The following ADGRV1 variants were observed in gnomAD, a reference collection of about 807,000 sequenced individuals.
ADGRV1 encodes G-protein coupled receptor 98.
In ADGRV1, 359 loss-of-function variants were observed where a neutral mutation model predicts 596.2. The ratio of observed to expected loss-of-function variants is 0.60; its 90% CI spans 0.55 to 0.66. The LOEUF (loss-of-function observed/expected upper bound fraction) is 0.66. ADGRV1 is among the 30% of genes least tolerant of loss of function. The pLI is 0.00. For missense variants in ADGRV1, 7,274 were observed against 7,575.6 expected, an observed-to-expected ratio of 0.96 and a Z score of 1.48; for synonymous variants, 2,681 against 2,679.2, an observed-to-expected ratio of 1.00 and a Z score of -0.02.
chr5:90,923,782 C>A (rs1056352873), intron 83 of ADGRV1, among the ~76,000 whole-genome samples: 2 of 148,914 alleles, frequency 1.3e-5, no homozygotes, highest in Non-Finnish European at 3.0e-5. Flanking sequence ...CCTCCCCCTG[C>A]CCCCCACCCC....
rs1409956770 is a variant in ADGRV1, at chr5:90,693,945, G to C, written c.7189G>C (p.Val2397Leu). Residue 2397 changes from valine to leucine, a missense_variant, in exon 33 of 90, where the codon GTG becomes CTG. Val to Leu is a conservative substitution (Grantham distance 32, BLOSUM62 1). This residue lies in a region of ADGRV1 where 3,643 missense variants were observed against 3,809.2 expected (regional missense o/e 0.96). Transcript: ENST00000405460. ...LFYSTSDIDV[V>L]ALAMEEGQDL... The stretch of plus-strand genomic sequence containing the variant: ...CTACAGTACTTCCGACATTGATGTA[G>C]TGGCTCTGGCAATGGAGGAAGGTCA... 1 of 1,603,082 alleles carries C rather than the reference G, an allele frequency of 6.2e-7. No individual in the cohort carries two copies. The highest frequency in any genetic ancestry group is 8.5e-7 in the Non-Finnish European group (1 of 1,172,234).
intron 85 of ADGRV1, among the ~76,000 whole-genome samples, chr5:91,030,836 CAGA>C (rs1784422248): frequency 2.0e-5 from 3 of 152,220 alleles, no homozygotes; most frequent in African/African-American, 7.2e-5. Flanking sequence ...CATTATTATT[CAGA>C]TAAAGATACC....
At chr5:90,834,693 G>A (rs1251553142) in intron 77 of ADGRV1, among the ~76,000 whole-genome samples, 1 of 151,454 alleles carries the variant, frequency 6.6e-6, no homozygotes, top group Non-Finnish European at 1.5e-5. Context: ...CTTTCTCTAC[G>A]TTTGGGAAGT....
chr5:91,033,357 C>T (rs947814950), intron 85 of ADGRV1, among the ~76,000 whole-genome samples: 6 of 152,132 alleles, frequency 3.9e-5, no homozygotes, highest in Non-Finnish European at 5.9e-5. Flanking sequence ...CGGGGTCCTA[C>T]ATGATTTAAA....
At chr5:91,001,206 T>C (rs1463398935) in intron 85 of ADGRV1, among the ~76,000 whole-genome samples, 1 of 152,094 alleles carries the variant, frequency 6.6e-6, no homozygotes, top group Admixed American at 6.6e-5. Flanking sequence ...GCTTCCCTAG[T>C]AGCTGGGACT....
chr5:90,990,037 C>T (rs1477814553), intron 85 of ADGRV1, among the ~76,000 whole-genome samples: 5 of 152,224 alleles, frequency 3.3e-5, no homozygotes, highest in Admixed American at 1.3e-4. Flanking sequence ...AGGCTGGTCT[C>T]GAACTCCTGA....
At chr5:91,139,072 A>G (rs1454009970) in intron 87 of ADGRV1, among the ~76,000 whole-genome samples, 2 of 152,126 alleles carry the variant, frequency 1.3e-5, no homozygotes, top group Admixed American at 6.5e-5. Context: ...CGCCCACTGT[A>G]TTGGTAAACT....
intron 85 of ADGRV1, among the ~76,000 whole-genome samples, chr5:91,018,143 AC>A (rs1783327360): frequency 6.6e-6 from 1 of 151,914 alleles, no homozygotes; most frequent in Admixed American, 6.6e-5. Flanking sequence ...GGAAGGAAAT[AC>A]CTTTTCTGAA....
At chr5:91,088,045 G>A (rs914255875) in intron 86 of ADGRV1, among the ~76,000 whole-genome samples, 6 of 152,096 alleles carry the variant, frequency 3.9e-5, no homozygotes, top group Admixed American at 2.0e-4. Flanking sequence ...ATCATAAATA[G>A]CCTTCGAGAA....
At position 90,716,470 on chromosome 5, in the gene ADGRV1, T is replaced by C. The variant is rs1750123934; in HGVS notation, c.9188T>C (p.Leu3063Ser). The C allele has an allele frequency of 6.4e-7, 1 of 1,554,862 alleles. No individual in the cohort carries two copies. Among genetic ancestry groups the C allele is most frequent in the Non-Finnish European group, 8.7e-7 (1 of 1,148,408 alleles). The change falls in exon 43 of 90, where the codon TTA becomes TCA. Residue 3063 changes from leucine (L) to serine (S), a missense_variant. Around this residue, in one of 5 missense-constraint regions of ADGRV1, gnomAD observed 3,643 missense variants for 3,809.2 expected, o/e 0.96. Coordinates refer to ENST00000405460, the MANE Select transcript of ADGRV1 (RefSeq NM_032119.4). ...GLELGKNTIA[L>S]IIVLANDDGP... ...TTTAATATTTTTATTTTGGCAGCCT[T>C]AATTATTGTCCTTGCTAATGATGAC...
At chr5:90,595,907 C>T (rs1443551230) in intron 1 of ADGRV1, among the ~76,000 whole-genome samples, 1 of 131,010 alleles carries the variant, frequency 7.6e-6, no homozygotes, top group Non-Finnish European at 1.8e-5. Context: ...CCACCTCCCT[C>T]CCGGATGGGG....
At chr5:90,840,493 TGAATTTGTTTAAGAAACAA>T (rs1765331415) in intron 77 of ADGRV1, 66 bp from the exon 78 acceptor site, 2 of 1,175,480 alleles carry the variant, frequency 1.7e-6, no homozygotes, top group Non-Finnish European at 2.4e-6. Context: ...TAAGAGAAAT[TGAATTTGTTTAAGAAACAA>T]GAATTTGTTT....
rs147455877 is a variant in ADGRV1, at chr5:90,930,506, A to G, written c.17857-34909A>G. On this transcript the variant is annotated intron_variant, in intron 83 of 89. Transcript: ENST00000405460. ...ATGGACTTTTATAACTTGGTATTCA[A>G]TGTATGAATTCTTGTCAATGAAACA... Among the ~76,000 whole-genome samples, 428 of 152,312 alleles carry G rather than the reference A, an allele frequency of 2.8e-3. 3 individuals carry two copies. The highest frequency in any genetic ancestry group is 8.0e-3 in the Admixed American group (122 of 15,290).
chr5:90,877,319 G>C (rs1769310905), intron 83 of ADGRV1, among the ~76,000 whole-genome samples: 1 of 152,206 alleles, frequency 6.6e-6, no homozygotes, highest in South Asian at 2.1e-4. Context: ...GTGAGGAAAG[G>C]AGAGCTACTC....
chr5:90,717,144 T>A (rs1449528961), intron 43 of ADGRV1: 1 of 152,998 alleles, frequency 6.5e-6, no homozygotes, highest in Admixed American at 6.5e-5. Flanking sequence ...TACTTCAGAC[T>A]GCTTGTTTGA....
intron 1 of ADGRV1, among the ~76,000 whole-genome samples, chr5:90,575,109 A>C (rs1393710901): frequency 1.3e-5 from 2 of 149,852 alleles, no homozygotes; most frequent in East Asian, 2.0e-4. Context: ...AATTTTAGTT[A>C]TCTCTTTTCT....
At chr5:90,875,184 C>A (rs1327643941) in intron 83 of ADGRV1, among the ~76,000 whole-genome samples, 1 of 152,036 alleles carries the variant, frequency 6.6e-6, no homozygotes, top group Non-Finnish European at 1.5e-5. Flanking sequence ...CAGAGCAAGA[C>A]CCTGAATTTA....
intron 77 of ADGRV1, 29 bp downstream of exon 77, chr5:90,829,215 C>T (rs1410870292): frequency 5.0e-6 from 7 of 1,395,942 alleles, no homozygotes; most frequent in African/African-American, 4.3e-5. Flanking sequence ...TATTCATACA[C>T]GTTATGGTTT....
intron 87 of ADGRV1, among the ~76,000 whole-genome samples, chr5:91,104,622 C>G (rs1791682956): frequency 6.6e-6 from 1 of 152,058 alleles, no homozygotes; most frequent in African/African-American, 2.4e-5. Flanking sequence ...ACCCTCTGTT[C>G]TACTTTTTAC....
Sources: gnomAD v4.1 joint callset for allele counts (sites outside exome capture counted in the v4.1 genomes callset) on GRCh38, gnomAD v4.1.1 for gene constraint, gnomAD v4.1.1 regional missense constraint, MANE v1.5 for transcripts, NCBI Gene and HGNC (gene_info 2026-07-23, HGNC 2026-07-21) for gene names.